Variants in VWA8 observed in about 807,000 individuals in gnomAD.
VWA8 encodes the protein von Willebrand factor A domain-containing protein 8.
VWA8 carries 221 observed loss-of-function variants against 241.5 expected under a neutral mutation model. The observed-to-expected ratio is 0.91, with a 90% confidence interval of 0.82 to 1.02. VWA8 has a LOEUF of 1.02. Among genes scored for constraint, VWA8 ranks in the 50% least tolerant of loss-of-function variants. The probability of loss-of-function intolerance (pLI) is 0.00; values close to 1 mark genes in which losing one functional copy is unlikely to be tolerated. For synonymous variants in VWA8, 852 were observed against 827.1 expected (o/e 1.03, Z -0.52); for missense variants, 2,322 against 2,328.7 (o/e 1.00, Z 0.06).
chr13:41,893,663 A>T (rs1179626363), intron 4 of VWA8, among the ~76,000 whole-genome samples: 2 of 152,142 alleles, frequency 1.3e-5, no homozygotes, highest in East Asian at 1.9e-4. Flanking sequence ...AGGAGGGTGG[A>T]TCACAAGGTC....
chr13:41,904,565 A>G (rs1373613103), intron 4 of VWA8, among the ~76,000 whole-genome samples: 2 of 152,166 alleles, frequency 1.3e-5, no homozygotes, highest in African/African-American at 4.8e-5. Context: ...TGGGGTTTAC[A>G]GCACCTTTAT....
chr13:41,727,203 C>T lies in VWA8; in HGVS notation c.2749G>A (p.Gly917Ser), dbSNP rs149311309. 33 of 1,544,014 alleles carry T rather than the reference C, an allele frequency of 2.1e-5. No homozygotes were observed. In the African/African-American group the frequency reaches 2.6e-4, roughly 12 times the overall value. The change falls in exon 24 of 45, where the codon GGT becomes AGT. Residue 917 changes from glycine (G) to serine (S), a missense_variant. Coordinates refer to ENST00000379310, the MANE Select transcript of VWA8 (RefSeq NM_015058.2). The stretch of plus-strand genomic sequence containing the variant: ...TCATTACTGTTTTTACCTAAGGTAC[C>T]GAAGAAATCATTGCCTAGGAAAGGA... The part of the protein sequence containing the change: ...GFPFLGNDFF[G>S]TLGDIFSCHA...
chr13:41,829,893 T>C (rs1300020650), intron 14 of VWA8, among the ~76,000 whole-genome samples: 1 of 152,094 alleles, frequency 6.6e-6, no homozygotes, highest in Non-Finnish European at 1.5e-5. Context: ...AACTTATCCC[T>C]GTAACCACAA....
intron 37 of VWA8, among the ~76,000 whole-genome samples, chr13:41,638,282 G>T (rs369327427): frequency 4.6e-5 from 7 of 152,264 alleles, no homozygotes; most frequent in African/African-American, 1.4e-4. Context: ...TAAAACAGAA[G>T]AAATGGAGAA....
chr13:41,949,897 T>TA, intron 2 of VWA8, 39 bp downstream of exon 2: 1 of 1,266,896 alleles, frequency 7.9e-7, no homozygotes, highest in Non-Finnish European at 1.1e-6. Context: ...AATGAAAAGT[T>TA]AAAAGTTATT....
chr13:41,742,280 A>G (rs185740124), intron 21 of VWA8, among the ~76,000 whole-genome samples: 2 of 152,356 alleles, frequency 1.3e-5, no homozygotes, highest in East Asian at 3.9e-4. Flanking sequence ...GAGACATCAC[A>G]TTCATTCATT....
At chr13:41,722,216 T>C (rs1411604327) in intron 24 of VWA8, among the ~76,000 whole-genome samples, 1 of 152,128 alleles carries the variant, frequency 6.6e-6, no homozygotes, top group Non-Finnish European at 1.5e-5. Flanking sequence ...TTTGGTAGAG[T>C]AAACCTGTAG....
At position 41,570,463 on chromosome 13, in the gene VWA8, C is replaced by T; in HGVS notation, c.5609+5G>A. 6.2e-7 allele frequency: 1 copy of T among 1,612,854 alleles called. No individual in the cohort carries two copies. Among genetic ancestry groups the T allele is most frequent in the Non-Finnish European group, 8.5e-7 (1 of 1,178,854 alleles). ...CCCTTTTCTGTATGCTCAGATGACA[C>T]TTACCTGGTTGCTTGATCACCTAAA... is the stretch of plus-strand genomic sequence containing the variant. On this transcript the variant is annotated splice_donor_5th_base_variant and intron_variant, in intron 44 of 44. Transcript: ENST00000379310.
At chr13:41,900,056 G>A (rs1875350118) in intron 4 of VWA8, among the ~76,000 whole-genome samples, 1 of 152,112 alleles carries the variant, frequency 6.6e-6, no homozygotes, top group African/African-American at 2.4e-5. Context: ...TAGCATTTAT[G>A]GAATAAACAT....
At chr13:41,880,442 G>C (rs995505668) in intron 9 of VWA8, among the ~76,000 whole-genome samples, 9 of 152,234 alleles carry the variant, frequency 5.9e-5, no homozygotes, top group Admixed American at 2.0e-4. Context: ...GCCTCCAAAT[G>C]AGGAAATCCA....
intron 17 of VWA8, among the ~76,000 whole-genome samples, chr13:41,803,181 G>C (rs1870034068): frequency 6.6e-6 from 1 of 152,128 alleles, no homozygotes; most frequent in Non-Finnish European, 1.5e-5. Context: ...TTGAATACTT[G>C]GAAATCTTTC....
intron 13 of VWA8, among the ~76,000 whole-genome samples, chr13:41,831,450 T>C: frequency 6.6e-6 from 1 of 152,128 alleles, no homozygotes; most frequent in Admixed American, 6.5e-5. Context: ...CTTCACAATA[T>C]TAATGTGAAA....
intron 2 of VWA8, among the ~76,000 whole-genome samples, chr13:41,918,850 C>A (rs923134118): frequency 2.0e-5 from 3 of 151,948 alleles, no homozygotes; most frequent in African/African-American, 7.3e-5. Flanking sequence ...ACACTAGATA[C>A]GTTTCACAAA....
chr13:41,906,533 T>A (rs947527530), intron 4 of VWA8, among the ~76,000 whole-genome samples: 2 of 152,160 alleles, frequency 1.3e-5, no homozygotes, highest in African/African-American at 4.8e-5. Flanking sequence ...TACACATTCA[T>A]CTCATTCTTT....
intron 23 of VWA8, among the ~76,000 whole-genome samples, chr13:41,728,373 G>A (rs2137859598): frequency 6.6e-6 from 1 of 152,150 alleles, no homozygotes; most frequent in African/African-American, 2.4e-5. Flanking sequence ...CCCTACAAGT[G>A]ATGGTTCATG....
intron 22 of VWA8, 92 bp from the exon 23 acceptor site, chr13:41,729,769 G>T: frequency 4.7e-5 from 56 of 1,185,012 alleles, no homozygotes; most frequent in East Asian, 1.6e-4. Context: ...ATAACAGCTG[G>T]CTTTATTTAA....
intron 2 of VWA8, among the ~76,000 whole-genome samples, chr13:41,949,102 A>T (rs1358192865): frequency 6.6e-6 from 1 of 151,856 alleles, no homozygotes; most frequent in Non-Finnish European, 1.5e-5. Flanking sequence ...AACACAAGAG[A>T]ACATTTGGGA....
At chr13:41,959,625 T>TTTTTTA (rs55893633) in intron 1 of VWA8, among the ~76,000 whole-genome samples, 1 of 134,166 alleles carries the variant, frequency 7.5e-6, no homozygotes, top group African/African-American at 2.7e-5. Flanking sequence ...TTTTTTTTTT[T>TTTTTTA]GAGATGGAGT....
At chr13:41,833,619 C>T in intron 12 of VWA8, 88 bp from the exon 13 acceptor site, 1 of 1,375,628 alleles carries the variant, frequency 7.3e-7, no homozygotes, top group Non-Finnish European at 9.5e-7. Context: ...TATAGAGTCA[C>T]CTCCGTCTGA....
Sources: allele counts gnomAD v4.1 joint callset (sites outside exome capture counted in the v4.1 genomes callset), GRCh38; gene constraint gnomAD v4.1.1; transcripts MANE v1.5; gene names NCBI Gene and HGNC (gene_info 2026-07-23, HGNC 2026-07-21).